LRP2: variants seen among roughly 807,000 people sequenced by gnomAD.
LRP2 encodes the protein low-density lipoprotein receptor-related protein 2.
A neutral mutation model predicts 531.0 loss-of-function variants in LRP2; 172 were observed. That is an observed-to-expected ratio of 0.32 (90% CI 0.29 to 0.37). LRP2 has a LOEUF of 0.37. Ranked by LOEUF, LRP2 falls within the 10% of genes least tolerant of loss-of-function variation. The pLI, the probability that LRP2 is intolerant of heterozygous loss-of-function variation, is 1.00. For missense variants in LRP2, 5,167 were observed against 5,868.3 expected (o/e 0.88, Z 3.90); for synonymous variants, 1,992 against 2,027.6 (o/e 0.98, Z 0.47).
chr2:169,136,258 CT>C lies in LRP2; in HGVS notation c.13620+1133del, dbSNP rs776586102. Among the ~76,000 whole-genome samples the C allele has an allele frequency of 3.3e-5, 5 of 152,294 alleles. 1 individual carries two copies. On this transcript the variant is annotated intron_variant, in intron 76 of 78. Transcript: ENST00000649046. The stretch of plus-strand genomic sequence containing the variant: ...CCCACTCTAGGTTCCCACACCGCCC[CT>C]AATCCCACTTGAGCAGCCCTGAGAA...
Position 169,275,100 on chromosome 2 carries a change from C to T in LRP2, c.1911G>A (p.Val637=), listed in dbSNP as rs780702706. 1 of 1,613,774 alleles carries T rather than the reference C, an allele frequency of 6.2e-7. No individual in the cohort carries two copies. The highest frequency in any genetic ancestry group is 1.1e-5 in the South Asian group (1 of 91,070). ...AGGGCCTCAGGGAAGCCTGGTAGTA[C>T]ACTTGTGGGTTGGTCTCTGTGAACT... ...ANKFTETNPQ[V]YYQASLRPYG... Residue 637 remains valine, a synonymous_variant, in exon 14 of 79, where the codon GTG becomes GTA. Coordinates refer to ENST00000649046, the MANE Select transcript of LRP2 (RefSeq NM_004525.3).
chr2:169,274,375 G>A (rs558379998), intron 14 of LRP2, among the ~76,000 whole-genome samples: 5 of 152,038 alleles, frequency 3.3e-5, no homozygotes, highest in East Asian at 3.9e-4. Flanking sequence ...CTTGAAGCCC[G>A]GAGTTCCAGA....
chr2:169,225,989 TC>T (rs964880991), intron 32 of LRP2, among the ~76,000 whole-genome samples: 52 of 152,348 alleles, frequency 3.4e-4, no homozygotes, highest in African/African-American at 1.2e-3. Flanking sequence ...TTCACTAAAT[TC>T]CCTTAGGGAG....
intron 1 of LRP2, among the ~76,000 whole-genome samples, chr2:169,338,290 A>AC (rs1161362938): frequency 8.5e-6 from 1 of 117,440 alleles, no homozygotes; most frequent in Non-Finnish European, 1.8e-5. Context: ...AAAGAAAGAA[A>AC]AAAGGAAGGA....
At chr2:169,349,837 C>T (rs957614698) in intron 1 of LRP2, among the ~76,000 whole-genome samples, 14 of 152,192 alleles carry the variant, frequency 9.2e-5, no homozygotes, top group African/African-American at 3.4e-4. Flanking sequence ...CCTTCACACG[C>T]ATTGATCTTA....
chr2:169,133,159 T>C (rs1337580718), intron 76 of LRP2, among the ~76,000 whole-genome samples: 3 of 152,358 alleles, frequency 2.0e-5, no homozygotes, highest in African/African-American at 7.2e-5. Flanking sequence ...AAATTAAGAT[T>C]TCATAGTACT....
intron 34 of LRP2, 105 bp from the exon 35 acceptor site, chr2:169,216,535 A>C (rs1688802093): frequency 1.8e-6 from 2 of 1,112,216 alleles, no homozygotes; most frequent in Admixed American, 1.8e-5. Context: ...CTCACAATAC[A>C]ATGGGCAAAG....
chr2:169,198,970 C>G (rs780277761), intron 44 of LRP2, 59 bp from the exon 45 acceptor site: 238 of 1,563,470 alleles, frequency 1.5e-4, no homozygotes, highest in Non-Finnish European at 2.0e-4. Context: ...GTATTATGAA[C>G]AGTATCCGTG....
intron 29 of LRP2, among the ~76,000 whole-genome samples, chr2:169,233,999 C>T (rs1423528956): frequency 1.3e-5 from 2 of 152,200 alleles, no homozygotes; most frequent in Non-Finnish European, 2.9e-5. Context: ...CACACTTGTG[C>T]CGGCTATTTC....
intron 63 of LRP2, among the ~76,000 whole-genome samples, chr2:169,158,982 C>T (rs1200518034): frequency 3.9e-5 from 6 of 152,140 alleles, no homozygotes; most frequent in Admixed American, 2.0e-4. Flanking sequence ...TCATCATTGC[C>T]CCAAGATCTT....
rs148996947 is a variant in LRP2 at position 169,277,924 on chromosome 2, G to C, written c.1593C>G (p.Ser531Arg). Residue 531 changes from serine to arginine, a missense_variant, in exon 13 of 79, where the codon AGC becomes AGG. Physicochemically the swap from Ser to Arg is moderately radical, Grantham distance 110. Around this residue, in one of 6 missense-constraint regions of LRP2, gnomAD observed 2,811 missense variants for 3,058.0 expected, o/e 0.92. Transcript: ENST00000649046. ...VGYLFFSDWE[S>R]LSGEPKLERA... is the part of the protein sequence containing the mutation. ...TTTCCAGCTTAGGTTCCCCAGAAAGGCTCTCCCAATCTGAGAAAAATAAAT... is the reference window on the plus strand; with the variant it reads ...TTTCCAGCTTAGGTTCCCCAGAAAGCCTCTCCCAATCTGAGAAAAATAAAT... The C allele has an allele frequency of 1.9e-5, 31 of 1,613,766 alleles. No homozygotes were observed. Among genetic ancestry groups the C allele is most frequent in the East Asian group, 1.1e-4 (5 of 44,870 alleles).
intron 75 of LRP2, among the ~76,000 whole-genome samples, chr2:169,138,065 A>G (rs1222196117): frequency 6.6e-6 from 1 of 152,182 alleles, no homozygotes; most frequent in African/African-American, 2.4e-5. Flanking sequence ...ACAAATAGGG[A>G]CAATGAGGGT....
intron 1 of LRP2, among the ~76,000 whole-genome samples, chr2:169,335,684 CAG>C (rs1332070100): frequency 6.6e-6 from 1 of 152,092 alleles, no homozygotes; most frequent in Non-Finnish European, 1.5e-5. Flanking sequence ...AGCGATTCTC[CAG>C]GACCCACGTT....
chr2:169,353,957 T>C (rs1340803071), intron 1 of LRP2, among the ~76,000 whole-genome samples: 1 of 152,062 alleles, frequency 6.6e-6, no homozygotes, highest in East Asian at 1.9e-4. Context: ...CCAGCCTGAG[T>C]GATAAAGTGA....
In LRP2 at chr2:169,201,868, G is replaced by A. The variant is rs772847237; in HGVS notation, c.8212C>T (p.Leu2738Phe). 1.5e-5 allele frequency: 25 copies of A among 1,614,100 alleles called. No individual in the cohort carries two copies. The highest frequency in any genetic ancestry group is 2.0e-5 in the Non-Finnish European group (24 of 1,180,014). Residue 2738 changes from leucine (L) to phenylalanine (F), a missense_variant and splice_region_variant, in exon 44 of 79, where the codon CTT becomes TTT. Around this residue, in one of 6 missense-constraint regions of LRP2, gnomAD observed 1,129 missense variants for 1,362.7 expected, o/e 0.83. Coordinates refer to ENST00000649046, the MANE Select transcript of LRP2 (RefSeq NM_004525.3). ...AAGGCTGTCGGTGAGCAGGTGTGAA[G>A]TGCTAAGAACAGGAAAAACATGAGA... ...GSDEMESVCA[L>F]HTCSPTAFTC...
chr2:169,360,128 C>CAAAAAAAAAAAAAAAAA (rs67818940), intron 1 of LRP2, among the ~76,000 whole-genome samples: 1 of 105,034 alleles, frequency 9.5e-6, no homozygotes, highest in African/African-American at 4.2e-5. Flanking sequence ...CTGTCTCTCT[C>CAAAAAAAAAAAAAAAAA]AAAAAAAAAA....
At chr2:169,348,411 C>T (rs556001125) in intron 1 of LRP2, among the ~76,000 whole-genome samples, 2 of 152,266 alleles carry the variant, frequency 1.3e-5, no homozygotes, top group Middle Eastern at 3.4e-3. Context: ...TTCCTTCATT[C>T]ATCAGGAACA....
At position 169,291,038 on chromosome 2, in the gene LRP2, G is replaced by T. The variant is rs759704315; in HGVS notation, c.770-41C>A. On this transcript the variant is annotated intron_variant, in intron 7 of 78. Coordinates refer to ENST00000649046, the MANE Select transcript of LRP2 (RefSeq NM_004525.3). ...GAGAGAGTTACAGGCCATAGGGGAG[G>T]TACAGCCAGCTCTTTGTTAATCAGT... 1.9e-5 allele frequency: 31 copies of T among 1,593,236 alleles called. No homozygotes were observed. The Admixed American group carries it at 4.5e-4, about 23-fold the overall frequency.
At chr2:169,347,257 T>C (rs1226948127) in intron 1 of LRP2, among the ~76,000 whole-genome samples, 4 of 152,288 alleles carry the variant, frequency 2.6e-5, no homozygotes, top group African/African-American at 9.6e-5. Flanking sequence ...AAGAACTGAC[T>C]TTAGTAATGA....
Sources: allele counts gnomAD v4.1 joint callset (sites outside exome capture counted in the v4.1 genomes callset), GRCh38; gene constraint gnomAD v4.1.1; regional missense constraint gnomAD v4.1.1; transcripts MANE v1.5; gene names NCBI Gene and HGNC (gene_info 2026-07-23, HGNC 2026-07-21).